The following MARCHF11 variants were observed in gnomAD, a reference collection of about 807,000 sequenced individuals.
The protein encoded by MARCHF11 is E3 ubiquitin-protein ligase MARCHF11.
A neutral mutation model predicts 37.3 loss-of-function variants in MARCHF11; 29 were observed. That is an observed-to-expected ratio of 0.78 (90% CI 0.58 to 1.06). The LOEUF (loss-of-function observed/expected upper bound fraction) is 1.06. MARCHF11 is among the 50% of genes least tolerant of loss of function. The probability of loss-of-function intolerance (pLI) is 0.00; values close to 1 mark genes in which losing one functional copy is unlikely to be tolerated. For missense variants in MARCHF11, 482 were observed against 533.4 expected, an observed-to-expected ratio of 0.90 and a Z score of 0.95; for synonymous variants, 233 against 228.0, an observed-to-expected ratio of 1.02 and a Z score of -0.20.
intron 2 of MARCHF11, among the ~76,000 whole-genome samples, chr5:16,167,398 C>T (rs1434277276): frequency 6.6e-6 from 1 of 152,072 alleles, no homozygotes; most frequent in African/African-American, 2.4e-5. Flanking sequence ...AGTGTTTCAG[C>T]TGAAGTCCAA....
At position 16,158,603 on chromosome 5, in the gene MARCHF11, G is replaced by C. The variant is rs114162157; in HGVS notation, c.693+19123C>G. On this transcript the variant is annotated intron_variant, in intron 2 of 3. Transcript: ENST00000332432. The stretch of plus-strand genomic sequence containing the variant: ...AAGGGCCAAAGGTGACAAGATGTTT[G>C]TCACAGAATATAAAATAAGGGTTAG... Among the ~76,000 whole-genome samples the C allele has an allele frequency of 1.6e-3, 237 of 152,070 alleles. 2 individuals are homozygous for C. The highest frequency in any genetic ancestry group is 5.3e-3 in the African/African-American group (221 of 41,518).
intron 2 of MARCHF11, among the ~76,000 whole-genome samples, chr5:16,124,568 C>G (rs1271564815): frequency 3.3e-5 from 5 of 152,086 alleles, no homozygotes; most frequent in African/African-American, 1.2e-4. Flanking sequence ...AGGATGCAGA[C>G]AGCCACCAAT....
intron 2 of MARCHF11, among the ~76,000 whole-genome samples, chr5:16,108,570 G>A (rs757884780): frequency 6.6e-6 from 1 of 152,132 alleles, no homozygotes; most frequent in Middle Eastern, 3.2e-3. Context: ...CTGTTACCAG[G>A]CTCACATAGA....
At chr5:16,096,798 T>C (rs1736876091) in intron 2 of MARCHF11, among the ~76,000 whole-genome samples, 1 of 152,216 alleles carries the variant, frequency 6.6e-6, no homozygotes, top group African/African-American at 2.4e-5. Flanking sequence ...ATCAGGTCTC[T>C]AAGAAGCTAT....
At chr5:16,155,481 G>C (rs765721776) in intron 2 of MARCHF11, among the ~76,000 whole-genome samples, 6 of 151,724 alleles carry the variant, frequency 4.0e-5, no homozygotes, top group Non-Finnish European at 7.4e-5. Flanking sequence ...AGTTATTTAT[G>C]TAGTTAAAAC....
At chr5:16,094,007 T>C (rs1435278803) in intron 2 of MARCHF11, among the ~76,000 whole-genome samples, 1 of 152,210 alleles carries the variant, frequency 6.6e-6, no homozygotes, top group Non-Finnish European at 1.5e-5. Context: ...CCTCATATAC[T>C]GATGAACCTT....
intron 2 of MARCHF11, among the ~76,000 whole-genome samples, chr5:16,106,693 T>A (rs903278478): frequency 6.6e-6 from 1 of 151,930 alleles, no homozygotes; most frequent in African/African-American, 2.4e-5. Flanking sequence ...CTGAGGATAT[T>A]TTTTGTTGTC....
intron 3 of MARCHF11, among the ~76,000 whole-genome samples, chr5:16,085,230 A>C (rs1160250835): frequency 6.6e-6 from 1 of 151,814 alleles, no homozygotes; most frequent in Admixed American, 6.6e-5. Flanking sequence ...TGATCCAAAA[A>C]CTCCTAAAGT....
At chr5:16,168,998 T>C (rs1345293489) in intron 2 of MARCHF11, among the ~76,000 whole-genome samples, 1 of 152,086 alleles carries the variant, frequency 6.6e-6, no homozygotes, top group East Asian at 1.9e-4. Flanking sequence ...CTTTGGAAGA[T>C]TGGTTAGTAA....
intron 2 of MARCHF11, among the ~76,000 whole-genome samples, chr5:16,110,774 C>T (rs149356588): frequency 1.3e-5 from 2 of 152,146 alleles, no homozygotes; most frequent in East Asian, 1.9e-4. Context: ...TGTATCATAT[C>T]GAAAACTACC....
intron 2 of MARCHF11, among the ~76,000 whole-genome samples, chr5:16,161,508 C>T (rs173177): frequency 6.6e-6 from 1 of 151,832 alleles, no homozygotes; most frequent in African/African-American, 2.4e-5. Flanking sequence ...TGACTAAGTA[C>T]CATAAGCTCA....
At chr5:16,091,180 C>A in intron 2 of MARCHF11, 99 bp from the exon 3 acceptor site, 1 of 898,094 alleles carries the variant, frequency 1.1e-6, no homozygotes, top group Non-Finnish European at 1.6e-6. Flanking sequence ...AATGTTAGAC[C>A]CTTTGAAATC....
intron 3 of MARCHF11, among the ~76,000 whole-genome samples, chr5:16,071,570 T>C (rs1440984019): frequency 6.6e-6 from 1 of 152,206 alleles, no homozygotes; most frequent in African/African-American, 2.4e-5. Context: ...TATTAGGCTA[T>C]TTACCCAAAT....
In MARCHF11 at chr5:16,145,995, C is replaced by A. The variant is rs145098717; in HGVS notation, c.693+31731G>T. Among the ~76,000 whole-genome samples, 23 of 152,298 alleles carry A rather than the reference C, an allele frequency of 1.5e-4. 1 individual carries two copies. Among genetic ancestry groups the A allele is most frequent in the African/African-American group, 5.5e-4 (23 of 41,582 alleles). On this transcript the variant is annotated intron_variant, in intron 2 of 3. Coordinates refer to ENST00000332432, the MANE Select transcript of MARCHF11 (RefSeq NM_001102562.3). ...TGGCCAATGTAAACACCGCCCCCAACACTCACAAATTCCATAAATGGAGTG... is the reference window on the plus strand; with the variant it reads ...TGGCCAATGTAAACACCGCCCCCAAAACTCACAAATTCCATAAATGGAGTG...
intron 3 of MARCHF11, among the ~76,000 whole-genome samples, chr5:16,071,684 GTTATAA>G (rs968191695): frequency 3.9e-5 from 6 of 152,264 alleles, no homozygotes; most frequent in African/African-American, 1.4e-4. Flanking sequence ...CATGTGAAGT[GTTATAA>G]TTAATAGAGA....
At chr5:16,092,995 T>TA (rs1360952085) in intron 2 of MARCHF11, among the ~76,000 whole-genome samples, 1 of 152,208 alleles carries the variant, frequency 6.6e-6, no homozygotes, top group Non-Finnish European at 1.5e-5. Context: ...TTGTTTTGAA[T>TA]GCAATATGGT....
intron 2 of MARCHF11, among the ~76,000 whole-genome samples, chr5:16,168,380 G>A (rs1414888668): frequency 1.3e-5 from 2 of 152,002 alleles, no homozygotes; most frequent in African/African-American, 4.8e-5. Flanking sequence ...AAAAATTCTG[G>A]CACAGTTAGT....
chr5:16,175,968 G>C (rs1738347140), intron 2 of MARCHF11, among the ~76,000 whole-genome samples: 1 of 151,924 alleles, frequency 6.6e-6, no homozygotes, highest in Admixed American at 6.6e-5. Context: ...TTCTTTTTGG[G>C]GAAAAGGAAA....
At position 16,179,633 on chromosome 5, in the gene MARCHF11, G is replaced by A; in HGVS notation, c.-58C>T. The A allele has an allele frequency of 9.0e-7, 1 of 1,111,058 alleles. No individual in the cohort carries two copies. The highest frequency in any genetic ancestry group is 1.1e-6 in the Non-Finnish European group (1 of 909,146). 68.8% of individuals were successfully genotyped at this position (1,111,058 alleles called of 1,614,324 possible). On this transcript the variant is annotated 5_prime_UTR_variant, in exon 1 of 4. Transcript: ENST00000332432. ...GCTGGCGGGCCGGGCTCTGGCTGCA[G>A]GGAAAGAGAGCGCGGAGGGGGCGGG...
Sources: gnomAD v4.1 joint callset for allele counts (sites outside exome capture counted in the v4.1 genomes callset) on GRCh38, gnomAD v4.1.1 for gene constraint, MANE v1.5 for transcripts, NCBI Gene and HGNC (gene_info 2026-07-23, HGNC 2026-07-21) for gene names.